Variants in RHOU observed in about 807,000 individuals in gnomAD.
RHOU encodes the protein ras homolog family member U, also known as rho-related GTP-binding protein RhoU.
Under a neutral mutation model 12.6 loss-of-function variants are expected in RHOU, and 8 were observed. The observed-to-expected ratio is 0.64, with a 90% CI of 0.37 to 1.15. The LOEUF (loss-of-function observed/expected upper bound fraction) is 1.15, where lower values mean the gene tolerates loss of function less well. Ranked by LOEUF, RHOU falls within the 50% of genes most tolerant of loss-of-function variation. RHOU has a pLI of 0.01. For missense variants in RHOU, 258 were observed against 347.0 expected (o/e 0.74, Z 2.04); for synonymous variants, 161 against 147.4 (o/e 1.09, Z -0.67).
chr1:228,684,158 C>A, the RHOU span, among the ~76,000 whole-genome samples: 2 of 152,136 alleles, frequency 1.3e-5, no homozygotes, highest in Admixed American at 6.5e-5. Context: ...CTGCCTCAGC[C>A]TCCTGATAGC....
rs747420381 is a variant in RHOU at position 228,743,038 on chromosome 1, C to T, written c.322-247C>T. On this transcript the variant is annotated intron_variant, in intron 2 of 2. Coordinates refer to ENST00000366691, the MANE Select transcript of RHOU (RefSeq NM_021205.6). The surrounding 1 kb of genome is among the most constrained non-coding windows in gnomAD (Gnocchi z 5.1). ...AGTAGGTCTTGAGTGTCGATGAACA[C>T]GTTGAACATGTTTGGCAGTGTTCAG... Among the ~76,000 whole-genome samples the T allele has an allele frequency of 6.6e-5, 10 of 152,146 alleles. No individual in the cohort carries two copies. The highest frequency in any genetic ancestry group is 1.2e-4 in the Non-Finnish European group (8 of 68,024).
chr1:228,683,371 G>A, the RHOU span, among the ~76,000 whole-genome samples: 4 of 152,252 alleles, frequency 2.6e-5, no homozygotes, highest in African/African-American at 7.2e-5. Context: ...TTTATTTGGT[G>A]GTACTATTGT....
chr1:228,660,783 A>G, the RHOU span, among the ~76,000 whole-genome samples: 1 of 151,788 alleles, frequency 6.6e-6, no homozygotes, highest in Admixed American at 6.6e-5. Context: ...AAAATACAAA[A>G]TTAGCCAGGT....
At chr1:228,692,032 T>C in the RHOU span, among the ~76,000 whole-genome samples, 1 of 152,198 alleles carries the variant, frequency 6.6e-6, no homozygotes, top group Non-Finnish European at 1.5e-5. Context: ...AAAAATGCAG[T>C]GGTTGCTTTT....
At chr1:228,713,255 G>A in the RHOU span, among the ~76,000 whole-genome samples, 5 of 152,106 alleles carry the variant, frequency 3.3e-5, no homozygotes, top group Admixed American at 2.0e-4. Context: ...CTCCAGGGAG[G>A]GGAGATGCTG....
upstream of RHOU, among the ~76,000 whole-genome samples, chr1:228,732,784 T>C (rs1662521097): frequency 6.6e-6 from 1 of 152,144 alleles, no homozygotes; most frequent in Admixed American, 6.5e-5. Context: ...AGCCAAGTTT[T>C]GTAGGGCCTG....
At chr1:228,654,768 A>G in the RHOU span, among the ~76,000 whole-genome samples, 11 of 152,334 alleles carry the variant, frequency 7.2e-5, no homozygotes, top group African/African-American at 2.2e-4. Context: ...GTTTTTGTTC[A>G]TATTGTACTA....
the RHOU span, among the ~76,000 whole-genome samples, chr1:228,672,711 T>C: frequency 6.6e-6 from 1 of 152,232 alleles, no homozygotes; most frequent in Non-Finnish European, 1.5e-5. Flanking sequence ...TAAATCACCT[T>C]TGCCATCACC....
the RHOU span, among the ~76,000 whole-genome samples, chr1:228,680,123 G>A: frequency 3.3e-5 from 5 of 152,142 alleles, no homozygotes; most frequent in African/African-American, 1.2e-4. Context: ...GGTTGCCTCC[G>A]TATTGATTAA....
chr1:228,665,340 C>G, the RHOU span, among the ~76,000 whole-genome samples: 1 of 152,162 alleles, frequency 6.6e-6, no homozygotes, highest in Admixed American at 6.5e-5. Flanking sequence ...CCTACCTTCC[C>G]AAGGGAACTC....
chr1:228,708,765 A>G, the RHOU span, among the ~76,000 whole-genome samples: 1 of 152,152 alleles, frequency 6.6e-6, no homozygotes, highest in African/African-American at 2.4e-5. Context: ...AAGCAAAACA[A>G]CCAGCTAACA....
rs1334317057 is a variant in RHOU, at chr1:228,737,262, C to A, written c.263-411C>A. ...ATGATAAACCCTGAAGTTGGGGAAC[C>A]TTTCCCAAGGGAAAACAGAATTATT... On this transcript the variant is annotated intron_variant, in intron 1 of 2. Transcript: ENST00000366691. The surrounding 1 kb of genome is among the most constrained non-coding windows in gnomAD (Gnocchi z 4.1). 7.9e-5 allele frequency among the ~76,000 whole-genome samples: 12 copies of A among 152,222 alleles called. No homozygotes were observed. The highest frequency in any genetic ancestry group is 7.8e-4 in the Admixed American group (12 of 15,288).
the RHOU span, among the ~76,000 whole-genome samples, chr1:228,719,724 T>A: frequency 1.3e-5 from 2 of 152,076 alleles, no homozygotes; most frequent in Non-Finnish European, 2.9e-5. Context: ...AACATGACTC[T>A]GTCTTAAAAC....
At chr1:228,665,134 G>A in the RHOU span, among the ~76,000 whole-genome samples, 1 of 152,150 alleles carries the variant, frequency 6.6e-6, no homozygotes, top group Non-Finnish European at 1.5e-5. Flanking sequence ...ATCAATTAAG[G>A]TCAAGCCTTT....
the RHOU span, among the ~76,000 whole-genome samples, chr1:228,715,912 G>A: frequency 1.4e-5 from 2 of 147,684 alleles, no homozygotes; most frequent in East Asian, 3.9e-4. Context: ...TAAAAAGTAT[G>A]AACTTTTTTT....
chr1:228,739,691 G>C (rs1662683552), intron 2 of RHOU, among the ~76,000 whole-genome samples: 1 of 152,262 alleles, frequency 6.6e-6, no homozygotes, highest in Admixed American at 6.5e-5. Flanking sequence ...TTAGCAGGGA[G>C]CCTTACGGGC....
the RHOU span, among the ~76,000 whole-genome samples, chr1:228,677,736 T>C: frequency 6.6e-6 from 1 of 152,052 alleles, no homozygotes; most frequent in Non-Finnish European, 1.5e-5. Context: ...TATTGGAGGG[T>C]ACCTTGCCAC....
chr1:228,662,792 G>T, the RHOU span, among the ~76,000 whole-genome samples: 5 of 152,160 alleles, frequency 3.3e-5, no homozygotes, highest in South Asian at 1.0e-3. Context: ...TAACCAATCT[G>T]CATGTTCTGC....
the RHOU span, among the ~76,000 whole-genome samples, chr1:228,658,376 C>A: frequency 6.6e-6 from 1 of 151,844 alleles, no homozygotes; most frequent in African/African-American, 2.4e-5. Flanking sequence ...AAATTAGAGC[C>A]CTTATAAAAG....
Sources: gnomAD v4.1 joint callset for allele counts (sites outside exome capture counted in the v4.1 genomes callset) on GRCh38, gnomAD v4.1.1 for gene constraint, Gnocchi (gnomAD v3.1) non-coding constraint, MANE v1.5 for transcripts, NCBI Gene and HGNC (gene_info 2026-07-23, HGNC 2026-07-21) for gene names.